TENT5D: variants seen among roughly 807,000 people sequenced by gnomAD.
The protein encoded by TENT5D is terminal nucleotidyltransferase 5D.
For missense variants in TENT5D, 191 were observed against 287.0 expected, an observed-to-expected ratio of 0.67 and a Z score of 2.42; for synonymous variants, 103 against 100.6, an observed-to-expected ratio of 1.02 and a Z score of -0.15.
upstream of TENT5D, among the ~76,000 whole-genome samples, chrX:80,415,736 G>A (rs1931758903): frequency 9.0e-6 from 1 of 111,448 alleles, no homozygotes; most frequent in South Asian, 3.7e-4. Context: ...GTTTATTAAG[G>A]ATATTGGCCT....
At chrX:80,342,380 A>G (rs930669972) in intron 2 of TENT5D, 3 of 112,136 alleles carry the variant, frequency 2.7e-5, no homozygotes, top group Non-Finnish European at 5.6e-5. Context: ...GTGAGAGTCT[A>G]TGGTAACTGA....
chrX:80,394,553 A>C (rs1284060321), intron 3 of TENT5D, among the ~76,000 whole-genome samples: 1 of 107,899 alleles, frequency 9.3e-6, no homozygotes, highest in African/African-American at 3.4e-5. Flanking sequence ...CACCACGCCC[A>C]GCTAATTTTG....
At chrX:80,410,571 A>T (rs1171628825) in intron 3 of TENT5D, among the ~76,000 whole-genome samples, 1 of 100,069 alleles carries the variant, frequency 1.0e-5, no homozygotes, top group Non-Finnish European at 2.0e-5. Context: ...TTAGAATGGC[A>T]ATCATTAAAA....
At chrX:80,438,564 A>G (rs1932225841) in intron 1 of TENT5D, 46 bp from the exon 2 acceptor site, 2 of 109,649 alleles carry the variant, frequency 1.8e-5, no homozygotes, top group Admixed American at 9.7e-5. Context: ...TTATTTGTAT[A>G]TAATATCTAT....
chrX:80,430,816 C>A (rs1397686880), intron 1 of TENT5D, among the ~76,000 whole-genome samples: 1 of 111,216 alleles, frequency 9.0e-6, no homozygotes, highest in African/African-American at 3.3e-5. Flanking sequence ...TGTTACCCAA[C>A]TAGAAAAGAG....
intron 3 of TENT5D, among the ~76,000 whole-genome samples, chrX:80,356,031 A>T (rs1930277448): frequency 8.9e-6 from 1 of 112,467 alleles, no homozygotes; most frequent in African/African-American, 3.2e-5. Context: ...CATGGAGATG[A>T]GACCCCATCT....
intron 3 of TENT5D, among the ~76,000 whole-genome samples, chrX:80,344,709 T>C (rs1289640594): frequency 9.0e-6 from 1 of 111,329 alleles, no homozygotes; most frequent in Non-Finnish European, 1.9e-5. Context: ...TAATGTTCCA[T>C]GAGTAGCACT....
chrX:80,436,267 ATTAT>A (rs1932180094), intron 1 of TENT5D, among the ~76,000 whole-genome samples: 1 of 111,159 alleles, frequency 9.0e-6, no homozygotes, highest in Non-Finnish European at 1.9e-5. Context: ...AATATGTATA[ATTAT>A]TGTAGATTCA....
chrX:80,350,272 G>A (rs751639684), intron 3 of TENT5D, among the ~76,000 whole-genome samples: 2 of 111,146 alleles, frequency 1.8e-5, no homozygotes, highest in African/African-American at 3.3e-5. Context: ...CTATTATTGT[G>A]TGGGAGTCTA....
chrX:80,384,979 G>T (rs868373474), intron 3 of TENT5D, among the ~76,000 whole-genome samples: 2 of 111,454 alleles, frequency 1.8e-5, no homozygotes, highest in Non-Finnish European at 3.8e-5. Flanking sequence ...TCAATATTGT[G>T]AAAATGGCCA....
chrX:80,430,326 A>T (rs1395101961), intron 1 of TENT5D, among the ~76,000 whole-genome samples: 2 of 111,331 alleles, frequency 1.8e-5, no homozygotes, highest in East Asian at 2.8e-4. Context: ...AGCAACAGCG[A>T]AATTAGGGGT....
intron 3 of TENT5D, among the ~76,000 whole-genome samples, chrX:80,379,898 CA>C (rs1930820569): frequency 9.2e-6 from 1 of 108,244 alleles, no homozygotes; most frequent in African/African-American, 3.4e-5. Flanking sequence ...TTGATCTTTT[CA>C]AAAAACCGGC....
At chrX:80,430,325 G>A (rs1415732495) in intron 1 of TENT5D, among the ~76,000 whole-genome samples, 2 of 111,290 alleles carry the variant, frequency 1.8e-5, no homozygotes, top group Non-Finnish European at 3.8e-5. Context: ...AAGCAACAGC[G>A]AAATTAGGGG....
intron 1 of TENT5D, among the ~76,000 whole-genome samples, chrX:80,433,019 C>T (rs1028561058): frequency 4.5e-5 from 5 of 111,049 alleles, no homozygotes; most frequent in African/African-American, 1.6e-4. Flanking sequence ...AAAGCTTGGC[C>T]CTGGGACCAT....
At chrX:80,371,520 CA>C (rs1025454605) in intron 3 of TENT5D, among the ~76,000 whole-genome samples, 9 of 111,571 alleles carry the variant, frequency 8.1e-5, no homozygotes, top group Non-Finnish European at 1.5e-4. Flanking sequence ...AAGGCTTTTT[CA>C]TCTACACTGA....
chrX:80,440,769 TC>T (rs2147571910), intron 2 of TENT5D, among the ~76,000 whole-genome samples: 1 of 111,322 alleles, frequency 9.0e-6, no homozygotes, highest in South Asian at 3.7e-4. Flanking sequence ...TAAATTAAAA[TC>T]TTAACAGTTT....
intron 3 of TENT5D, among the ~76,000 whole-genome samples, chrX:80,415,053 A>G (rs1167801280): frequency 1.8e-5 from 2 of 111,408 alleles, no homozygotes; most frequent in Non-Finnish European, 3.8e-5. Context: ...TTTTGTGGCT[A>G]TTTTGAATGG....
Position 80,375,752 on chromosome X carries a change from T to C in TENT5D, c.-142+33188T>C, listed in dbSNP as rs185527924. Among the ~76,000 whole-genome samples, 215 of 111,750 alleles carry C rather than the reference T, an allele frequency of 1.9e-3. 3 individuals are homozygous for C. The highest frequency in any genetic ancestry group is 2.1e-3 in the Non-Finnish European group (111 of 52,995). The stretch of plus-strand genomic sequence containing the variant: ...TGTGATAATTATTTCATAGTATTTC[T>C]TAACAAAAAGCAGAAACCTTTAGTG... On this transcript the variant is annotated intron_variant, in intron 3 of 4. Coordinates refer to the TENT5D transcript ENST00000538312.
At chrX:80,395,589 G>A (rs1322404690) in intron 3 of TENT5D, among the ~76,000 whole-genome samples, 1 of 110,794 alleles carries the variant, frequency 9.0e-6, no homozygotes, top group East Asian at 2.8e-4. Flanking sequence ...AGTAATAATT[G>A]TACATATTCA....
Sources: allele counts gnomAD v4.1 joint callset (sites outside exome capture counted in the v4.1 genomes callset), GRCh38; gene constraint gnomAD v4.1.1; transcripts MANE v1.5; gene names NCBI Gene and HGNC (gene_info 2026-07-23, HGNC 2026-07-21).